Variants in CNOT6L observed in about 807,000 individuals in gnomAD.
CNOT6L encodes CCR4-NOT transcription complex subunit 6 like, also known as CCR4-NOT transcription complex subunit 6-like.
CNOT6L carries 7 observed loss-of-function variants against 64.0 expected under a neutral mutation model. The observed-to-expected ratio is 0.11, with a 90% CI of 0.06 to 0.21. The LOEUF (loss-of-function observed/expected upper bound fraction) is 0.21, where lower values mean the gene tolerates loss of function less well. Among genes scored for constraint, CNOT6L ranks in the 10% least tolerant of loss-of-function variants. The pLI is 1.00. For missense variants in CNOT6L, 245 were observed against 669.0 expected (o/e 0.37, Z 6.99); for synonymous variants, 193 against 243.4 (o/e 0.79, Z 1.93).
intron 1 of CNOT6L, among the ~76,000 whole-genome samples, chr4:77,800,859 A>C (rs187232877): frequency 6.6e-6 from 1 of 152,344 alleles, no homozygotes; most frequent in Admixed American, 6.5e-5. Context: ...CAACATCTTA[A>C]TTACAAAAGG....
chr4:77,757,588 A>G (rs1184706683), intron 4 of CNOT6L, among the ~76,000 whole-genome samples: 1 of 152,212 alleles, frequency 6.6e-6, no homozygotes, highest in Non-Finnish European at 1.5e-5. Context: ...ACAAGCATGC[A>G]ACAACAGTCT....
chr4:77,723,523 A>T (rs1031268257), intron 11 of CNOT6L, among the ~76,000 whole-genome samples: 7 of 152,206 alleles, frequency 4.6e-5, no homozygotes, highest in Non-Finnish European at 1.0e-4. Context: ...AAATATATGT[A>T]TAAAACTGAA....
intron 1 of CNOT6L, among the ~76,000 whole-genome samples, chr4:77,813,924 C>G (rs1467582280): frequency 1.3e-5 from 2 of 152,116 alleles, no homozygotes; most frequent in African/African-American, 4.8e-5. Context: ...TCAAAACATA[C>G]ATACATAAGA....
At chr4:77,765,688 G>T (rs1436257166) in intron 4 of CNOT6L, among the ~76,000 whole-genome samples, 1 of 152,170 alleles carries the variant, frequency 6.6e-6, no homozygotes, top group East Asian at 1.9e-4. Flanking sequence ...TATGGGCCTT[G>T]TGCCTCCCTC....
At chr4:77,784,101 G>A (rs1403854013) in intron 1 of CNOT6L, among the ~76,000 whole-genome samples, 5 of 152,060 alleles carry the variant, frequency 3.3e-5, no homozygotes, top group African/African-American at 1.2e-4. Flanking sequence ...TTCTGGCTCT[G>A]GAAAGCGATG....
intron 1 of CNOT6L, among the ~76,000 whole-genome samples, chr4:77,785,690 C>T (rs1393259003): frequency 6.6e-6 from 1 of 152,000 alleles, no homozygotes; most frequent in African/African-American, 2.4e-5. Context: ...TACTAAAAAC[C>T]ACAATGAGAT....
chr4:77,753,677 A>G lies in CNOT6L; in HGVS notation c.490+3185T>C, dbSNP rs1725120134. Reference sequence around the variant, plus strand: ...CAGAGCATAACTCCATCTCATAAAAATAAATAAATAAATAAATAAATCCTA... The same window carrying G: ...CAGAGCATAACTCCATCTCATAAAAGTAAATAAATAAATAAATAAATCCTA... On this transcript the variant is annotated intron_variant, in intron 5 of 11. Coordinates refer to ENST00000504123, the MANE Select transcript of CNOT6L (RefSeq NM_144571.3). Among the ~76,000 whole-genome samples, 7 of 151,920 alleles carry G rather than the reference A, an allele frequency of 4.6e-5. No individual in the cohort carries two copies. In the South Asian group the frequency reaches 1.5e-3, roughly 31 times the overall value.
chr4:77,732,385 A>T (rs1180719436), intron 8 of CNOT6L, among the ~76,000 whole-genome samples: 1 of 152,094 alleles, frequency 6.6e-6, no homozygotes, highest in Non-Finnish European at 1.5e-5. Flanking sequence ...ATTTATAAGT[A>T]ATCAAAACCT....
At chr4:77,778,865 A>T (rs533867343) in intron 1 of CNOT6L, among the ~76,000 whole-genome samples, 26 of 151,520 alleles carry the variant, frequency 1.7e-4, no homozygotes, top group African/African-American at 6.3e-4. Flanking sequence ...TAACACGGTG[A>T]AACCCCGTCT....
At chr4:77,781,755 G>A (rs1728881059) in intron 1 of CNOT6L, among the ~76,000 whole-genome samples, 1 of 152,152 alleles carries the variant, frequency 6.6e-6, no homozygotes, top group Non-Finnish European at 1.5e-5. Context: ...AAAGATGTAA[G>A]TCCTATAGTG....
intron 1 of CNOT6L, among the ~76,000 whole-genome samples, chr4:77,798,681 A>C (rs1731153549): frequency 6.6e-6 from 1 of 152,142 alleles, no homozygotes; most frequent in Non-Finnish European, 1.5e-5. Flanking sequence ...GAAAGTTTGA[A>C]GGTTTCTTAA....
chr4:77,729,020 A>G lies in CNOT6L; in HGVS notation c.1086T>C (p.His362=), dbSNP rs748924632. 3.1e-6 allele frequency: 5 copies of G among 1,613,814 alleles called. No individual in the cohort carries two copies. The South Asian group carries it at 3.3e-5, about 11-fold the overall frequency. ...TCACATCAGAATACTCTGGGTCCCA[A>G]TGCATGTGGGCATTTGCCACTATAA... ...QLLIVANAHM[H]WDPEYSDVKL... is the part of the protein sequence containing the mutation. Residue 362 remains histidine, a synonymous_variant, in exon 10 of 12, where the codon CAT becomes CAC. Coordinates refer to ENST00000504123, the MANE Select transcript of CNOT6L (RefSeq NM_144571.3).
intron 1 of CNOT6L, among the ~76,000 whole-genome samples, chr4:77,817,629 G>A (rs1733721410): frequency 6.6e-6 from 1 of 152,184 alleles, no homozygotes; most frequent in African/African-American, 2.4e-5. Flanking sequence ...TCACACAGCT[G>A]GGAGGCTAAC....
intron 5 of CNOT6L, among the ~76,000 whole-genome samples, chr4:77,754,409 C>T (rs1725222390): frequency 6.6e-6 from 1 of 152,020 alleles, no homozygotes; most frequent in Admixed American, 6.6e-5. Flanking sequence ...CTTAAAACTA[C>T]TGAGAGAAAT....
At position 77,765,292 on chromosome 4, in the gene CNOT6L, A is replaced by G. The variant is rs148991987; in HGVS notation, c.400+7789T>C. Among the ~76,000 whole-genome samples the G allele has an allele frequency of 2.4e-4, 37 of 152,356 alleles. No homozygotes were observed. The East Asian group carries it at 6.9e-3, about 29-fold the overall frequency. On this transcript the variant is annotated intron_variant, in intron 4 of 11. Coordinates refer to ENST00000504123, the MANE Select transcript of CNOT6L (RefSeq NM_144571.3). ...GAAATAACCATAAAAATGGGCAACC[A>G]GTGCCCTAAGGGCTGCTCTGCCTAT...
At chr4:77,728,261 C>T (rs1026115208) in intron 10 of CNOT6L, among the ~76,000 whole-genome samples, 3 of 152,144 alleles carry the variant, frequency 2.0e-5, no homozygotes, top group Admixed American at 2.0e-4. Context: ...GAGAGCTACA[C>T]GTAATGAATA....
At chr4:77,749,234 A>G (rs1724573755) in intron 5 of CNOT6L, among the ~76,000 whole-genome samples, 1 of 152,180 alleles carries the variant, frequency 6.6e-6, no homozygotes, top group African/African-American at 2.4e-5. Context: ...CTGTTTTAGC[A>G]GCCATACTTT....
intron 1 of CNOT6L, among the ~76,000 whole-genome samples, chr4:77,778,738 G>A (rs1333017800): frequency 6.6e-6 from 1 of 151,128 alleles, no homozygotes; most frequent in Non-Finnish European, 1.5e-5. Context: ...CCCAATTTTA[G>A]ATCATTTTTA....
intron 2 of CNOT6L, among the ~76,000 whole-genome samples, chr4:77,775,179 C>T (rs1424690940): frequency 1.3e-5 from 2 of 152,080 alleles, no homozygotes; most frequent in Admixed American, 6.5e-5. Context: ...GTCAGTAGTG[C>T]CAAGGCTAAG....
Sources: gnomAD v4.1 joint callset for allele counts (sites outside exome capture counted in the v4.1 genomes callset) on GRCh38, gnomAD v4.1.1 for gene constraint, MANE v1.5 for transcripts, NCBI Gene and HGNC (gene_info 2026-07-23, HGNC 2026-07-21) for gene names.